Variants in TRDMT1 observed in about 807,000 individuals in gnomAD.
TRDMT1 encodes tRNA aspartic acid methyltransferase 1, also known as tRNA (cytosine(38)-C(5))-methyltransferase.
In TRDMT1, 49 loss-of-function variants were observed where a neutral mutation model predicts 51.2. The ratio of observed to expected loss-of-function variants is 0.96; its 90% CI spans 0.76 to 1.21. TRDMT1 has a LOEUF of 1.21. Ranked by LOEUF, TRDMT1 falls within the 50% of genes most tolerant of loss-of-function variation. TRDMT1 has a pLI of 0.00. For synonymous variants in TRDMT1, 187 were observed against 164.6 expected, an observed-to-expected ratio of 1.14 and a Z score of -1.04; for missense variants, 534 against 462.3, an observed-to-expected ratio of 1.16 and a Z score of -1.42.
Position 17,148,483 on chromosome 10 carries a change from T to C in TRDMT1, c.*557A>G. On this transcript the variant is annotated 3_prime_UTR_variant, in exon 11 of 11. Coordinates refer to ENST00000377799, the MANE Select transcript of TRDMT1 (RefSeq NM_004412.7). Reference sequence around the variant, plus strand: ...CTTCATGGAGAGGTAATCAAACATTTAGGATTATTTTTCCTGACATATTCT... The same window carrying C: ...CTTCATGGAGAGGTAATCAAACATTCAGGATTATTTTTCCTGACATATTCT... The C allele has an allele frequency of 1.0e-6, 1 of 985,424 alleles. No individual in the cohort carries two copies. Among genetic ancestry groups the C allele is most frequent in the Non-Finnish European group, 1.2e-6 (1 of 829,928 alleles). 61.0% of individuals were successfully genotyped at this position (985,424 alleles called of 1,614,324 possible).
chr10:17,145,300 T>C lies in TRDMT1; in HGVS notation c.*3740A>G. 3 of 945,256 alleles carry C rather than the reference T, an allele frequency of 3.2e-6. No homozygotes were observed. Among genetic ancestry groups the C allele is most frequent in the Non-Finnish European group, 3.7e-6 (3 of 801,878 alleles). 58.6% of individuals were successfully genotyped at this position (945,256 alleles called of 1,614,324 possible). ...AACAAAAAAAACAGCAAAGGGAAAC[T>C]CTCAAATGAAAGGCATAACTAGACA... On this transcript the variant is annotated 3_prime_UTR_variant, in exon 11 of 11. Coordinates refer to ENST00000377799, the MANE Select transcript of TRDMT1 (RefSeq NM_004412.7).
chr10:17,197,854 G>T (rs1265709274), intron 1 of TRDMT1, among the ~76,000 whole-genome samples: 1 of 152,064 alleles, frequency 6.6e-6, no homozygotes, highest in Non-Finnish European at 1.5e-5. Context: ...CCAACATGGT[G>T]AAACCCCATC....
At chr10:17,176,060 A>C (rs1842582910) in intron 1 of TRDMT1, among the ~76,000 whole-genome samples, 1 of 152,230 alleles carries the variant, frequency 6.6e-6, no homozygotes, top group Non-Finnish European at 1.5e-5. Flanking sequence ...TGTTAAAGCC[A>C]TCAGATCTTG....
rs1203696965 is a variant in TRDMT1, at chr10:17,137,905, GA to G, written c.*11134del. On this transcript the variant is annotated 3_prime_UTR_variant, in exon 11 of 11. Coordinates refer to ENST00000377799, the MANE Select transcript of TRDMT1 (RefSeq NM_004412.7). ...CTTGAAGGAAAGTGGCTGGGTAAAG[GA>G]AGAGACATCGACAGAAGGCCTTAAG... 6.6e-6 allele frequency among the ~76,000 whole-genome samples: 1 copy of G among 152,126 alleles called. No homozygotes were observed. The highest frequency in any genetic ancestry group is 1.5e-5 in the Non-Finnish European group (1 of 68,020).
At chr10:17,170,279 A>G (rs552513113) in intron 2 of TRDMT1, among the ~76,000 whole-genome samples, 2 of 152,314 alleles carry the variant, frequency 1.3e-5, no homozygotes, top group Non-Finnish European at 2.9e-5. Flanking sequence ...ACCCTTCACA[A>G]CTTATTTAAC....
Position 17,168,831 on chromosome 10 carries a change from T to C in TRDMT1, c.251+10A>G. 1 of 1,591,856 alleles carries C rather than the reference T, an allele frequency of 6.3e-7. No individual in the cohort carries two copies. The highest frequency in any genetic ancestry group is 8.6e-7 in the Non-Finnish European group (1 of 1,162,444). On this transcript the variant is annotated intron_variant, in intron 3 of 10. Coordinates refer to ENST00000377799, the MANE Select transcript of TRDMT1 (RefSeq NM_004412.7). ...GACCAATACAACACTGAAATATTTA[T>C]GACACATACCTTGTGAATGGCTGGC...
chr10:17,141,879 A>G lies in TRDMT1; in HGVS notation c.*7161T>C, dbSNP rs1837721397. ...AATTTCTGAAAATAAAGTTAATGTA[A>G]CAGACAAAATGTCCAGGATCTAATC... On this transcript the variant is annotated 3_prime_UTR_variant, in exon 11 of 11. Coordinates refer to ENST00000377799, the MANE Select transcript of TRDMT1 (RefSeq NM_004412.7). Among the ~76,000 whole-genome samples, 4 of 152,254 alleles carry G rather than the reference A, an allele frequency of 2.6e-5. No individual in the cohort carries two copies. The highest frequency in any genetic ancestry group is 2.6e-4 in the Admixed American group (4 of 15,280).
intron 1 of TRDMT1, among the ~76,000 whole-genome samples, chr10:17,177,209 T>TTTATTTATTTAC (rs1281347403): frequency 6.6e-6 from 1 of 151,220 alleles, no homozygotes; most frequent in Non-Finnish European, 1.5e-5. Flanking sequence ...TATTTATTTA[T>TTTATTTATTTAC]TTTTTGAGAT....
intron 7 of TRDMT1, among the ~76,000 whole-genome samples, chr10:17,158,295 A>G (rs2131411484): frequency 6.6e-6 from 1 of 152,306 alleles, no homozygotes; most frequent in South Asian, 2.1e-4. Context: ...TTGTTTCTGC[A>G]AAACATACAA....
chr10:17,193,661 G>T (rs756909822), intron 1 of TRDMT1, among the ~76,000 whole-genome samples: 2 of 152,150 alleles, frequency 1.3e-5, no homozygotes, highest in Admixed American at 6.5e-5. Context: ...CATCATACAG[G>T]TGACAAACAA....
intron 6 of TRDMT1, 98 bp downstream of exon 6, chr10:17,160,207 C>G: frequency 1.3e-6 from 1 of 742,766 alleles, no homozygotes; most frequent in East Asian, 3.2e-5. Flanking sequence ...ATAATATTAT[C>G]CAAAATAAAG....
chr10:17,173,850 C>T (rs1242706345), intron 2 of TRDMT1, among the ~76,000 whole-genome samples: 1 of 151,252 alleles, frequency 6.6e-6, no homozygotes, highest in African/African-American at 2.4e-5. Flanking sequence ...CTGCAACCTC[C>T]GCCTCCTGGG....
At position 17,142,946 on chromosome 10, in the gene TRDMT1, T is replaced by G. The variant is rs12254334; in HGVS notation, c.*6094A>C. On this transcript the variant is annotated 3_prime_UTR_variant, in exon 11 of 11. Coordinates refer to ENST00000377799, the MANE Select transcript of TRDMT1 (RefSeq NM_004412.7). ...CTTTTCAGGGAGGAGCAGGGAGAAA[T>G]AAATCTACACTCTCTTGTCAAGACC... 5.9e-3 allele frequency: 5,727 copies of G among 968,298 alleles called. 215 individuals are homozygous for G. In the African/African-American group the frequency reaches 0.085, roughly 14 times the overall value. 60.0% of individuals were successfully genotyped at this position (968,298 alleles called of 1,614,324 possible). A position where few individuals can be genotyped will look rare whatever the true frequency, so the allele number is the denominator to read the frequency against.
intron 3 of TRDMT1, 127 bp from the exon 4 acceptor site, chr10:17,162,364 T>C (rs1412390851): frequency 1.4e-5 from 11 of 807,742 alleles, no homozygotes; most frequent in Non-Finnish European, 1.9e-5. Flanking sequence ...TCACAAAAAA[T>C]AGGGTCATCT....
intron 1 of TRDMT1, among the ~76,000 whole-genome samples, chr10:17,181,635 C>T (rs1310877124): frequency 6.6e-6 from 1 of 151,982 alleles, no homozygotes; most frequent in East Asian, 1.9e-4. Flanking sequence ...ATATGATTAT[C>T]TATCTCAATG....
intron 3 of TRDMT1, among the ~76,000 whole-genome samples, chr10:17,162,691 A>G (rs1840569786): frequency 6.6e-6 from 1 of 152,166 alleles, no homozygotes; most frequent in South Asian, 2.1e-4. Flanking sequence ...AAAAATGCAA[A>G]AATCAGCCGG....
chr10:17,166,087 C>T (rs1289798897), intron 3 of TRDMT1, among the ~76,000 whole-genome samples: 2 of 152,020 alleles, frequency 1.3e-5, no homozygotes, highest in Admixed American at 6.6e-5. Context: ...TTTATTGTGG[C>T]ACTATTCACA....
chr10:17,150,972 T>G (rs1564552492), intron 10 of TRDMT1: 1 of 983,894 alleles, frequency 1.0e-6, no homozygotes, highest in Admixed American at 6.2e-5. Flanking sequence ...AACAAATAAG[T>G]AAGATTCGTA....
intron 3 of TRDMT1, 89 bp downstream of exon 3, chr10:17,168,752 T>G (rs2131481528): frequency 1.1e-6 from 1 of 912,898 alleles, no homozygotes; most frequent in Non-Finnish European, 1.7e-6. Context: ...GTAAACCTCT[T>G]TCTTTTGTAA....
Sources: allele counts gnomAD v4.1 joint callset (sites outside exome capture counted in the v4.1 genomes callset), GRCh38; gene constraint gnomAD v4.1.1; transcripts MANE v1.5; gene names NCBI Gene and HGNC (gene_info 2026-07-23, HGNC 2026-07-21).